Variants in TENM3 observed in about 807,000 individuals in gnomAD.
TENM3 encodes the protein teneurin transmembrane protein 3, also known as teneurin-3.
A neutral mutation model predicts 255.1 loss-of-function variants in TENM3; 63 were observed. The ratio of observed to expected loss-of-function variants is 0.25; its 90% CI spans 0.20 to 0.30. The LOEUF (loss-of-function observed/expected upper bound fraction) is 0.30, where lower values mean the gene tolerates loss of function less well. Among genes scored for constraint, TENM3 ranks in the 10% least tolerant of loss-of-function variants. TENM3 has a pLI of 1.00. For synonymous variants in TENM3, 1,306 were observed against 1,322.3 expected (o/e 0.99, Z 0.27); for missense variants, 2,929 against 3,461.1 (o/e 0.85, Z 3.86).
At chr4:182,516,176 G>A (rs536791283) in intron 3 of TENM3, among the ~76,000 whole-genome samples, 10 of 152,318 alleles carry the variant, frequency 6.6e-5, no homozygotes, top group African/African-American at 2.4e-4. Flanking sequence ...AGTAGAAATA[G>A]CACTGGACTG....
At chr4:182,108,624 G>C in the TENM3 span, among the ~76,000 whole-genome samples, 1 of 152,178 alleles carries the variant, frequency 6.6e-6, no homozygotes, top group Admixed American at 6.5e-5. Context: ...CTCATATGGA[G>C]AGGGGTGGGT....
At chr4:182,231,631 C>G (rs1025948920) in intron 1 of TENM3, among the ~76,000 whole-genome samples, 1 of 152,202 alleles carries the variant, frequency 6.6e-6, no homozygotes, top group African/African-American at 2.4e-5. Flanking sequence ...TCCTGCCTCT[C>G]GCCCCATGAG....
chr4:182,439,562 T>C (rs973201032), intron 3 of TENM3, among the ~76,000 whole-genome samples: 1 of 152,218 alleles, frequency 6.6e-6, no homozygotes, highest in Non-Finnish European at 1.5e-5. Context: ...ATAATAGGCA[T>C]TCAATAAATG....
intron 6 of TENM3, among the ~76,000 whole-genome samples, chr4:182,658,039 A>G (rs1026169783): frequency 2.6e-5 from 4 of 152,090 alleles, no homozygotes; most frequent in Non-Finnish European, 4.4e-5. Flanking sequence ...TTGGGCTTTC[A>G]CAGTACCCCT....
chr4:181,791,361 G>A, the TENM3 span, among the ~76,000 whole-genome samples: 3 of 152,116 alleles, frequency 2.0e-5, no homozygotes, highest in Non-Finnish European at 4.4e-5. Context: ...TCTCTAGCCT[G>A]CTTTGCTTTA....
upstream of TENM3, among the ~76,000 whole-genome samples, chr4:182,241,535 T>G (rs1259615598): frequency 2.0e-5 from 3 of 148,748 alleles, no homozygotes; most frequent in Admixed American, 6.7e-5. Flanking sequence ...TTTTTTTTTT[T>G]GTGAGGCGGA....
the TENM3 span, among the ~76,000 whole-genome samples, chr4:181,808,712 A>G: frequency 6.6e-6 from 1 of 152,238 alleles, no homozygotes; most frequent in Non-Finnish European, 1.5e-5. Context: ...AGTTGAATGT[A>G]TATTGGTATG....
chr4:182,728,833 A>G, intron 13 of TENM3, 132 bp from the exon 14 acceptor site: 1 of 689,148 alleles, frequency 1.5e-6, no homozygotes, highest in Non-Finnish European at 2.5e-6. Context: ...TATGCCTCAT[A>G]GAAATTACTA....
intron 12 of TENM3, among the ~76,000 whole-genome samples, chr4:182,710,287 G>A (rs571305199): frequency 1.3e-5 from 2 of 152,226 alleles, no homozygotes; most frequent in African/African-American, 4.8e-5. Flanking sequence ...CTGTTACAGG[G>A]TTCTACTAGT....
the TENM3 span, among the ~76,000 whole-genome samples, chr4:181,943,354 C>T: frequency 6.6e-6 from 1 of 152,098 alleles, no homozygotes; most frequent in Non-Finnish European, 1.5e-5. Context: ...AATCAGATTA[C>T]AAGCAGGGGA....
the TENM3 span, among the ~76,000 whole-genome samples, chr4:181,706,541 C>T: frequency 2.6e-5 from 4 of 152,080 alleles, no homozygotes; most frequent in Non-Finnish European, 5.9e-5. Context: ...GAATTTCATC[C>T]CACTGATGGG....
chr4:182,046,585 C>G, the TENM3 span, among the ~76,000 whole-genome samples: 4,060 of 149,950 alleles, frequency 0.027, 198 homozygotes, highest in African/African-American at 0.092. Context: ...ATAATAACAA[C>G]CAGGTGTGGG....
chr4:182,149,221 A>C (rs1022272528), intron 1 of TENM3, among the ~76,000 whole-genome samples: 9 of 151,994 alleles, frequency 5.9e-5, no homozygotes, highest in African/African-American at 2.2e-4. Flanking sequence ...AAATGCTAAA[A>C]TAATGCAGTT....
chr4:181,638,743 C>A, the TENM3 span, among the ~76,000 whole-genome samples: 2 of 152,096 alleles, frequency 1.3e-5, no homozygotes, highest in Non-Finnish European at 2.9e-5. Flanking sequence ...TAAAATGTTA[C>A]TTTCCTTAAT....
the TENM3 span, among the ~76,000 whole-genome samples, chr4:181,697,139 G>A: frequency 2.6e-5 from 4 of 152,154 alleles, no homozygotes; most frequent in African/African-American, 7.2e-5. Context: ...TATGGCCCAA[G>A]AATCTTCAAA....
Position 182,673,175 on chromosome 4 carries a change from A to C in TENM3, c.1282A>C (p.Ile428Leu), listed in dbSNP as rs749849108. 6.2e-7 allele frequency: 1 copy of C among 1,613,848 alleles called. No individual in the cohort carries two copies. The highest frequency in any genetic ancestry group is 1.1e-5 in the South Asian group (1 of 91,066). Residue 428 changes from isoleucine (I) to leucine (L), a missense_variant, in exon 7 of 28, where the codon ATT (isoleucine) becomes CTT (leucine). Physicochemically the swap from Ile to Leu is conservative, Grantham distance 5. Around this residue, in one of 6 missense-constraint regions of TENM3, gnomAD observed 1,608 missense variants for 1,884.4 expected, o/e 0.85. Coordinates refer to ENST00000511685, the MANE Select transcript of TENM3 (RefSeq NM_001080477.4). ...TATCTCTCTTCAGAAGGATGCATTG[A>C]TTGGAGTATATGGCCGGAAAGGCTT... ...FNISLQKDALIGVYGRKGLPP... is the reference protein window; with the variant it reads ...FNISLQKDALLGVYGRKGLPP...
At chr4:182,497,695 A>G (rs548789174) in intron 3 of TENM3, among the ~76,000 whole-genome samples, 227 of 152,158 alleles carry the variant, frequency 1.5e-3, no homozygotes, top group African/African-American at 5.1e-3. Flanking sequence ...TTCCGATACA[A>G]TTAGATACAG....
chr4:182,262,221 G>A (rs1758846617), intron 1 of TENM3, among the ~76,000 whole-genome samples: 1 of 152,164 alleles, frequency 6.6e-6, no homozygotes, highest in African/African-American at 2.4e-5. Context: ...TTTAAAAGAT[G>A]TAATTAGCAA....
the TENM3 span, among the ~76,000 whole-genome samples, chr4:181,896,564 AAAT>A: frequency 6.6e-6 from 1 of 152,318 alleles, no homozygotes; most frequent in Admixed American, 6.5e-5. Context: ...CCAGGTGGGA[AAAT>A]AATAAGTGTG....
Sources: gnomAD v4.1 joint callset for allele counts (sites outside exome capture counted in the v4.1 genomes callset) on GRCh38, gnomAD v4.1.1 for gene constraint, gnomAD v4.1.1 regional missense constraint, MANE v1.5 for transcripts, NCBI Gene and HGNC (gene_info 2026-07-23, HGNC 2026-07-21) for gene names.